Variants in HERC6 observed in about 807,000 individuals in gnomAD.
The protein encoded by HERC6 is HECT and RLD domain containing E3 ubiquitin protein ligase family member 6.
HERC6 carries 101 observed loss-of-function variants against 114.5 expected under a neutral mutation model. The ratio of observed to expected loss-of-function variants is 0.88; its 90% CI spans 0.75 to 1.04. HERC6 has a LOEUF of 1.04. Among genes scored for constraint, HERC6 ranks in the 50% least tolerant of loss-of-function variants. The pLI is 0.00. For missense variants in HERC6, 1,133 were observed against 1,230.9 expected (o/e 0.92, Z 1.19); for synonymous variants, 408 against 436.2 (o/e 0.94, Z 0.81).
chr4:88,437,078 G>A (rs1205829306), intron 19 of HERC6, 107 bp downstream of exon 19: 2 of 722,294 alleles, frequency 2.8e-6, no homozygotes, highest in Non-Finnish European at 4.3e-6. Flanking sequence ...TTTTATTGAG[G>A]CAGAGTCTCA....
At chr4:88,439,181 A>G (rs1739071338) in intron 20 of HERC6, among the ~76,000 whole-genome samples, 1 of 152,154 alleles carries the variant, frequency 6.6e-6, no homozygotes, top group Admixed American at 6.5e-5. Flanking sequence ...ACTACAAAAG[A>G]GAGACAAGAC....
In HERC6 at chr4:88,439,879, A is replaced by G. The variant is rs368175716; in HGVS notation, c.2561A>G (p.Asp854Gly). 4.4e-5 allele frequency: 63 copies of G among 1,415,938 alleles called. No homozygotes were observed. The highest frequency in any genetic ancestry group is 5.6e-5 in the Non-Finnish European group (60 of 1,078,682). 87.7% of individuals were successfully genotyped at this position (1,415,938 alleles called of 1,614,324 possible). Residue 854 changes from aspartate to glycine, a missense_variant, in exon 21 of 23, where the codon GAC becomes GGC. Coordinates refer to ENST00000264346, the MANE Select transcript of HERC6 (RefSeq NM_017912.4). ...TTTTTTTTGCTTCCCTCAAGGAGAG[A>G]CTATGTTTCTAAGTATATTGATTAC... ...SIPVDQTNKR[D>G]YVSKYIDYIF...
chr4:88,430,022 A>G (rs938304978), intron 16 of HERC6, among the ~76,000 whole-genome samples: 1 of 152,206 alleles, frequency 6.6e-6, no homozygotes, highest in Non-Finnish European at 1.5e-5. Context: ...AATCAGAAGT[A>G]GGCTTAATTT....
At position 88,402,747 on chromosome 4, in the gene HERC6, A is replaced by G. The variant is rs578178882; in HGVS notation, c.1093-2129A>G. Among the ~76,000 whole-genome samples the G allele has an allele frequency of 1.6e-4, 25 of 152,312 alleles. No individual in the cohort carries two copies. In the South Asian group the frequency reaches 4.8e-3, roughly 29 times the overall value. On this transcript the variant is annotated intron_variant, in intron 8 of 22. Transcript: ENST00000264346. Reference sequence around the variant, plus strand: ...TACAAAACAAGAAGAGGCAGATGACATAGTCTCATGCTGTGCATTTGGGAG... The same window carrying G: ...TACAAAACAAGAAGAGGCAGATGACGTAGTCTCATGCTGTGCATTTGGGAG...
intron 13 of HERC6, among the ~76,000 whole-genome samples, 191 bp downstream of exon 13, chr4:88,417,770 C>T (rs1736633214): frequency 6.6e-6 from 1 of 151,946 alleles, no homozygotes; most frequent in Non-Finnish European, 1.5e-5. Flanking sequence ...TTTAGGAGGA[C>T]TTAAGATGTT....
intron 4 of HERC6, 86 bp from the exon 5 acceptor site, chr4:88,393,401 AG>A (rs1444095858): frequency 6.9e-5 from 43 of 618,706 alleles, no homozygotes; most frequent in Non-Finnish European, 1.0e-4. Context: ...ACACAAAAAA[AG>A]AAATATAAAA....
At chr4:88,387,720 T>C (rs1020025558) in intron 3 of HERC6, among the ~76,000 whole-genome samples, 1 of 152,212 alleles carries the variant, frequency 6.6e-6, no homozygotes, top group Non-Finnish European at 1.5e-5. Flanking sequence ...GATACCTAAC[T>C]TGAAGGTTAT....
intron 20 of HERC6, among the ~76,000 whole-genome samples, chr4:88,439,135 A>G (rs1739067587): frequency 6.6e-6 from 1 of 151,366 alleles, no homozygotes; most frequent in Non-Finnish European, 1.5e-5. Context: ...GGTAGAAGTT[A>G]TCAGGTAAAG....
At chr4:88,394,853 A>G (rs1735143842) in intron 5 of HERC6, among the ~76,000 whole-genome samples, 1 of 152,144 alleles carries the variant, frequency 6.6e-6, no homozygotes. Context: ...CCCCTTTAGC[A>G]ATTATTCATT....
At chr4:88,382,037 G>A (rs779692648) in intron 1 of HERC6, among the ~76,000 whole-genome samples, 1 of 152,084 alleles carries the variant, frequency 6.6e-6, no homozygotes, top group Non-Finnish European at 1.5e-5. Context: ...GAAATGAAGG[G>A]CAACATGATA....
At chr4:88,380,141 T>C (rs865796594) in intron 1 of HERC6, among the ~76,000 whole-genome samples, 1 of 37,136 alleles carries the variant, frequency 2.7e-5, no homozygotes, top group Non-Finnish European at 4.5e-5. Context: ...ATATATATAA[T>C]ATATAAATAT....
intron 5 of HERC6, 53 bp from the exon 6 acceptor site, chr4:88,395,962 T>G: frequency 6.6e-7 from 1 of 1,520,110 alleles, no homozygotes. Context: ...TCAGTAAGCT[T>G]TTAGTTACCT....
At chr4:88,383,411 T>G in intron 2 of HERC6, 31 bp downstream of exon 2, 1 of 1,451,472 alleles carries the variant, frequency 6.9e-7, no homozygotes, top group Middle Eastern at 1.8e-4. Flanking sequence ...CTTCATTTAT[T>G]CAATATATAT....
rs779120416 is a variant in HERC6, at chr4:88,398,242, T to A, written c.1092+33T>A. 1.5e-5 allele frequency: 21 copies of A among 1,358,708 alleles called. No individual in the cohort carries two copies. The Middle Eastern group carries it at 3.3e-3, about 213-fold the overall frequency. 84.2% of individuals were successfully genotyped at this position (1,358,708 alleles called of 1,614,324 possible). The stretch of plus-strand genomic sequence containing the variant: ...TTATACTTTTTGTTCCTCTTAAAAA[T>A]TATTTTTTCTCAAGATTTCAGACCG... On this transcript the variant is annotated intron_variant, in intron 8 of 22. Coordinates refer to ENST00000264346, the MANE Select transcript of HERC6 (RefSeq NM_017912.4).
chr4:88,414,174 C>G (rs1442682337), intron 12 of HERC6, among the ~76,000 whole-genome samples: 1 of 152,044 alleles, frequency 6.6e-6, no homozygotes, highest in African/African-American at 2.4e-5. Flanking sequence ...GACTCCTTCA[C>G]TTAAGAGGTA....
chr4:88,401,777 T>C (rs1361781693), intron 8 of HERC6, among the ~76,000 whole-genome samples: 1 of 152,120 alleles, frequency 6.6e-6, no homozygotes, highest in East Asian at 1.9e-4. Flanking sequence ...AAAGGAAGGG[T>C]TGTGATAGTT....
intron 2 of HERC6, 106 bp from the exon 3 acceptor site, chr4:88,385,393 T>C: frequency 1.6e-6 from 1 of 644,808 alleles, no homozygotes; most frequent in South Asian, 1.9e-5. Context: ...ATAAAATAGT[T>C]TTCCTGGACC....
chr4:88,396,983 T>C lies in HERC6; in HGVS notation c.1020T>C (p.Ala340=), dbSNP rs753354577. 41 of 1,610,482 alleles carry C rather than the reference T, an allele frequency of 2.5e-5. No individual in the cohort carries two copies. Among genetic ancestry groups the C allele is most frequent in the Non-Finnish European group, 3.5e-5 (41 of 1,177,936 alleles). ...ENFDISCLIS[A]EDFVDVQVKH... ...TTGACATTAGCTGCCTGATTTCTGCTGAAGGTGTGAATCCCACTAATTCAT... is the reference window on the plus strand; with the variant it reads ...TTGACATTAGCTGCCTGATTTCTGCCGAAGGTGTGAATCCCACTAATTCAT... The change falls in exon 7 of 23, where the codon GCT becomes GCC. Residue 340 remains alanine, a synonymous_variant. Transcript: ENST00000264346.
intron 1 of HERC6, among the ~76,000 whole-genome samples, chr4:88,382,186 A>C (rs1353433382): frequency 1.3e-5 from 2 of 152,144 alleles, no homozygotes; most frequent in Admixed American, 1.3e-4. Flanking sequence ...AAAAGGAAAA[A>C]CAAAATCTTA....
Sources: gnomAD v4.1 joint callset for allele counts (sites outside exome capture counted in the v4.1 genomes callset) on GRCh38, gnomAD v4.1.1 for gene constraint, MANE v1.5 for transcripts, NCBI Gene and HGNC (gene_info 2026-07-23, HGNC 2026-07-21) for gene names.